The following TBC1D32 variants were observed in gnomAD, a reference collection of about 807,000 sequenced individuals.
TBC1D32 encodes the protein TBC1 domain family member 32.
A neutral mutation model predicts 170.3 loss-of-function variants in TBC1D32; 151 were observed. The ratio of observed to expected loss-of-function variants is 0.89; its 90% CI spans 0.78 to 1.01. The LOEUF is 1.01. TBC1D32 is among the 50% of genes least tolerant of loss of function. The pLI, the probability that TBC1D32 is intolerant of heterozygous loss-of-function variation, is 0.00. For synonymous variants in TBC1D32, 498 were observed against 488.0 expected, an observed-to-expected ratio of 1.02 and a Z score of -0.27; for missense variants, 1,464 against 1,457.1, an observed-to-expected ratio of 1.00 and a Z score of -0.08.
At chr6:121,178,732 T>C (rs1467292928) in intron 22 of TBC1D32, among the ~76,000 whole-genome samples, 2 of 152,184 alleles carry the variant, frequency 1.3e-5, no homozygotes. Context: ...TCCATAAGAC[T>C]GTAGTGCTCT....
chr6:121,093,396 C>T (rs1777044390), intron 30 of TBC1D32, among the ~76,000 whole-genome samples: 1 of 152,170 alleles, frequency 6.6e-6, no homozygotes, highest in Admixed American at 6.6e-5. Flanking sequence ...TGCCAAGATT[C>T]TCTCTCTGTT....
intron 30 of TBC1D32, among the ~76,000 whole-genome samples, chr6:121,101,225 G>A (rs896646191): frequency 5.9e-5 from 9 of 151,958 alleles, no homozygotes; most frequent in Non-Finnish European, 7.4e-5. Flanking sequence ...GAATCCTCCC[G>A]AACTCATTTT....
chr6:121,177,819 A>G (rs1389080249), intron 22 of TBC1D32, among the ~76,000 whole-genome samples: 1 of 152,196 alleles, frequency 6.6e-6, no homozygotes, highest in African/African-American at 2.4e-5. Flanking sequence ...GTATTTCAAA[A>G]TCTGCAATCT....
At chr6:121,332,188 G>T (rs957165382) in intron 1 of TBC1D32, among the ~76,000 whole-genome samples, 8 of 151,884 alleles carry the variant, frequency 5.3e-5, no homozygotes, top group Non-Finnish European at 7.4e-5. Flanking sequence ...TACAGATAAA[G>T]CAATAATTAT....
At chr6:121,279,021 GT>G in intron 15 of TBC1D32, 99 bp downstream of exon 15, 1 of 1,328,884 alleles carries the variant, frequency 7.5e-7, no homozygotes, top group Non-Finnish European at 1.0e-6. Flanking sequence ...CATAATCCTG[GT>G]TACTCCAGCT....
chr6:121,285,335 C>T (rs1803636430), intron 12 of TBC1D32, among the ~76,000 whole-genome samples: 1 of 152,136 alleles, frequency 6.6e-6, no homozygotes, highest in African/African-American at 2.4e-5. Flanking sequence ...TCTAAGTGTC[C>T]TCTCCTGGTT....
At chr6:121,281,758 G>T in intron 13 of TBC1D32, 72 bp from the exon 14 acceptor site, 1 of 1,219,864 alleles carries the variant, frequency 8.2e-7, no homozygotes, top group East Asian at 2.8e-5. Flanking sequence ...AGCTGTTGTT[G>T]TTCCAAAAAG....
intron 26 of TBC1D32, among the ~76,000 whole-genome samples, chr6:121,121,566 T>C (rs1009091327): frequency 1.3e-5 from 2 of 152,058 alleles, no homozygotes; most frequent in Non-Finnish European, 2.9e-5. Flanking sequence ...TCCATTTTTT[T>C]CCTTTACACA....
At position 121,255,392 on chromosome 6, in the gene TBC1D32, T is replaced by C; in HGVS notation, c.1954A>G (p.Arg652Gly). The C allele has an allele frequency of 1.3e-6, 2 of 1,496,370 alleles. No individual in the cohort carries two copies. Among genetic ancestry groups the C allele is most frequent in the Non-Finnish European group, 1.8e-6 (2 of 1,126,056 alleles). The allele number at this position is 1,496,370 out of a possible 1,614,324, so 92.7% of individuals were successfully genotyped here. A position where few individuals can be genotyped will look rare whatever the true frequency, so the allele number is the denominator to read the frequency against. Residue 652 changes from arginine (R) to glycine (G), a missense_variant, in exon 17 of 32, where the codon AGA becomes GGA. This residue lies in a region of TBC1D32 where 1,363 missense variants were observed against 1,338.1 expected (regional missense o/e 1.02). Coordinates refer to ENST00000398212, the MANE Select transcript of TBC1D32 (RefSeq NM_152730.6). The stretch of plus-strand genomic sequence containing the variant: ...GAACCCTCTACTGGAGTAGGAATTC[T>C]TTCTGATAGCAAACTTGTCTAAAAA... ...AWKKTSLLSE[R>G]IPTPVEGSDS...
Position 121,242,224 on chromosome 6 carries a change from T to G in TBC1D32, c.2134A>C (p.Asn712His). The G allele has an allele frequency of 1.2e-6, 2 of 1,611,854 alleles. No individual in the cohort carries two copies. Among genetic ancestry groups the G allele is most frequent in the Non-Finnish European group, 1.7e-6 (2 of 1,179,134 alleles). ...AINECVTFIF[N>H]RYAKKLQVSR... ...ACCTGTAATTTTTTTGCATATCGATTGAATATAAATGTCACACATTCATTG... is the reference window on the plus strand; with the variant it reads ...ACCTGTAATTTTTTTGCATATCGATGGAATATAAATGTCACACATTCATTG... Residue 712 changes from asparagine (N) to histidine (H), a missense_variant, in exon 18 of 32, where the codon AAT (asparagine) becomes CAT (histidine). Transcript: ENST00000398212.
intron 21 of TBC1D32, among the ~76,000 whole-genome samples, chr6:121,220,337 T>C (rs1794348910): frequency 1.3e-5 from 2 of 152,296 alleles, no homozygotes; most frequent in South Asian, 4.2e-4. Context: ...ATTACTGATA[T>C]GAAGAAAGTT....
At chr6:121,100,698 C>T (rs1331472328) in intron 30 of TBC1D32, among the ~76,000 whole-genome samples, 2 of 151,886 alleles carry the variant, frequency 1.3e-5, no homozygotes, top group Admixed American at 6.6e-5. Context: ...AGAGCAAACA[C>T]ATTCAAAAGC....
intron 22 of TBC1D32, among the ~76,000 whole-genome samples, chr6:121,199,532 T>A (rs990738345): frequency 1.7e-4 from 26 of 151,350 alleles, no homozygotes; most frequent in African/African-American, 5.9e-4. Context: ...AAGAATTGTT[T>A]GATTAAATTA....
intron 24 of TBC1D32, among the ~76,000 whole-genome samples, chr6:121,148,525 G>T (rs1020173471): frequency 1.3e-5 from 2 of 152,100 alleles, no homozygotes; most frequent in Non-Finnish European, 1.5e-5. Context: ...TGGGTCAAAT[G>T]CTATTTCCAG....
intron 15 of TBC1D32, among the ~76,000 whole-genome samples, chr6:121,265,187 C>G (rs1330483823): frequency 6.6e-6 from 1 of 152,144 alleles, no homozygotes; most frequent in Non-Finnish European, 1.5e-5. Context: ...CCCAAAAGCT[C>G]CTTAAGCTGA....
In TBC1D32 at chr6:121,150,540, T is replaced by C. The variant is rs1784081554; in HGVS notation, c.2773+9470A>G. On this transcript the variant is annotated intron_variant, in intron 24 of 31. Coordinates refer to ENST00000398212, the MANE Select transcript of TBC1D32 (RefSeq NM_152730.6). ...ATGAAATGAGTTGGGGAGGAGTCCT[T>C]CTTTTTCTATTGATTGGAATAGTTT... Among the ~76,000 whole-genome samples the C allele has an allele frequency of 1.3e-5, 2 of 152,218 alleles. 1 individual carries two copies. Among genetic ancestry groups the C allele is most frequent in the South Asian group, 4.1e-4 (2 of 4,830 alleles).
intron 15 of TBC1D32, among the ~76,000 whole-genome samples, chr6:121,271,812 C>T (rs1801476682): frequency 6.6e-6 from 1 of 152,002 alleles, no homozygotes; most frequent in Non-Finnish European, 1.5e-5. Context: ...CCAAGACAAT[C>T]CTAAGACAAA....
At chr6:121,322,739 G>A (rs1809911593) in intron 1 of TBC1D32, among the ~76,000 whole-genome samples, 1 of 152,094 alleles carries the variant, frequency 6.6e-6, no homozygotes, top group Admixed American at 6.6e-5. Context: ...GCAATATCTT[G>A]TACATAGTAA....
intron 26 of TBC1D32, chr6:121,115,852 T>A (rs1239309182): frequency 6.6e-6 from 1 of 152,214 alleles, no homozygotes; most frequent in Non-Finnish European, 1.5e-5. Flanking sequence ...AAGATAGTGA[T>A]TAGCTTGCTT....
Sources: allele counts gnomAD v4.1 joint callset (sites outside exome capture counted in the v4.1 genomes callset), GRCh38; gene constraint gnomAD v4.1.1; regional missense constraint gnomAD v4.1.1; transcripts MANE v1.5; gene names NCBI Gene and HGNC (gene_info 2026-07-23, HGNC 2026-07-21).